PIKFYVE: variants seen among roughly 807,000 people sequenced by gnomAD.
The protein encoded by PIKFYVE is phosphoinositide kinase, FYVE-type zinc finger containing, also known as 1-phosphatidylinositol 3-phosphate 5-kinase.
PIKFYVE carries 122 observed loss-of-function variants against 257.9 expected under a neutral mutation model. That is an observed-to-expected ratio of 0.47 (90% CI 0.41 to 0.55). The LOEUF (loss-of-function observed/expected upper bound fraction) is 0.55. PIKFYVE is among the 20% of genes least tolerant of loss of function. The pLI is 0.00. For missense variants in PIKFYVE, 2,160 were observed against 2,536.6 expected, an observed-to-expected ratio of 0.85 and a Z score of 3.19; for synonymous variants, 892 against 868.9, an observed-to-expected ratio of 1.03 and a Z score of -0.47.
rs1470945793 is a variant in PIKFYVE, at chr2:208,355,957, G to A, written c.*652G>A. 6.6e-6 allele frequency: 1 copy of A among 152,472 alleles called. No homozygotes were observed. Among genetic ancestry groups the A allele is most frequent in the African/African-American group, 2.4e-5 (1 of 41,384 alleles). The allele number at this position is 152,472 out of a possible 1,614,324, so 9.4% of individuals were successfully genotyped here. A position where few individuals can be genotyped will look rare whatever the true frequency, so the allele number is the denominator to read the frequency against. On this transcript the variant is annotated 3_prime_UTR_variant, in exon 42 of 42. Coordinates refer to ENST00000264380, the MANE Select transcript of PIKFYVE (RefSeq NM_015040.4). The stretch of plus-strand genomic sequence containing the variant: ...TTTGTCTTCTCTGTGGAAGACAGGA[G>A]GCTACAGCAATTAACTTTAAGCCTC...
rs1574790917 is a variant in PIKFYVE at position 208,357,364 on chromosome 2, C to T, written c.*2059C>T. On this transcript the variant is annotated 3_prime_UTR_variant, in exon 42 of 42. Coordinates refer to ENST00000264380, the MANE Select transcript of PIKFYVE (RefSeq NM_015040.4). ...TGAGCACTTGAAGTACAAGGTGTCT[C>T]CCCCTAGGTGCAATTAGGTTGTTTC... 6.6e-6 allele frequency: 1 copy of T among 152,194 alleles called. No homozygotes were observed. Among genetic ancestry groups the T allele is most frequent in the Non-Finnish European group, 1.5e-5 (1 of 68,032 alleles). The allele number at this position is 152,194 out of a possible 1,614,324, so 9.4% of individuals were successfully genotyped here.
chr2:208,324,571 C>T (rs1294161926), intron 18 of PIKFYVE, among the ~76,000 whole-genome samples: 1 of 152,058 alleles, frequency 6.6e-6, no homozygotes, highest in Non-Finnish European at 1.5e-5. Flanking sequence ...TGGAGAATTG[C>T]TCAAGCAGAA....
intron 4 of PIKFYVE, among the ~76,000 whole-genome samples, chr2:208,277,170 T>C (rs1690219025): frequency 6.6e-6 from 1 of 152,182 alleles, no homozygotes; most frequent in Non-Finnish European, 1.5e-5. Flanking sequence ...TTGGATATAG[T>C]ACCATTGTTT....
intron 39 of PIKFYVE, 125 bp downstream of exon 39, chr2:208,352,907 C>A: frequency 8.2e-7 from 1 of 1,225,280 alleles, no homozygotes; most frequent in Non-Finnish European, 1.2e-6. Flanking sequence ...GGTTACTAGG[C>A]CATATTTAAC....
intron 5 of PIKFYVE, among the ~76,000 whole-genome samples, chr2:208,281,800 A>G (rs181890934): frequency 1.3e-4 from 20 of 152,286 alleles, no homozygotes; most frequent in African/African-American, 3.4e-4. Flanking sequence ...TTCCTTCCCA[A>G]TCAACACCCT....
rs759605815 is a variant in PIKFYVE, at chr2:208,352,609, ATAAC to A, written c.5716-44_5716-41del. 4.4e-6 allele frequency: 7 copies of A among 1,602,292 alleles called. No individual in the cohort carries two copies. In the South Asian group the frequency reaches 7.8e-5, roughly 18 times the overall value. Reference sequence around the variant, plus strand: ...TCCTTATATTGGTATTAAATTATAAATAACCCTTTTTGATAAGAATTTATTTTGA... The same window carrying A: ...TCCTTATATTGGTATTAAATTATAAACCTTTTTGATAAGAATTTATTTTGA... On this transcript the variant is annotated intron_variant, in intron 38 of 41. Transcript: ENST00000264380.
At chr2:208,338,621 A>G in intron 29 of PIKFYVE, 53 bp downstream of exon 29, 1 of 1,550,944 alleles carries the variant, frequency 6.4e-7, no homozygotes, top group Non-Finnish European at 8.9e-7. Context: ...GAAATTTCTT[A>G]TTGTATAAGT....
chr2:208,308,424 A>G (rs775486949), intron 12 of PIKFYVE, among the ~76,000 whole-genome samples: 62 of 151,632 alleles, frequency 4.1e-4, no homozygotes, highest in Admixed American at 1.6e-3. Context: ...AAAAAATTCC[A>G]TATTATTCTT....
intron 7 of PIKFYVE, among the ~76,000 whole-genome samples, chr2:208,297,993 A>G (rs1423732208): frequency 1.3e-5 from 2 of 152,196 alleles, no homozygotes; most frequent in Non-Finnish European, 2.9e-5. Flanking sequence ...TTTGAGGACA[A>G]TATTTTAAAT....
intron 7 of PIKFYVE, among the ~76,000 whole-genome samples, chr2:208,289,864 G>C (rs1692069240): frequency 6.6e-6 from 1 of 152,122 alleles, no homozygotes; most frequent in Non-Finnish European, 1.5e-5. Context: ...CACTGCATCT[G>C]GCCATCGTTT....
At chr2:208,266,831 C>T (rs1688699257) in intron 1 of PIKFYVE, among the ~76,000 whole-genome samples, 1 of 152,208 alleles carries the variant, frequency 6.6e-6, no homozygotes, top group Middle Eastern at 3.2e-3. Flanking sequence ...AGAAACGATA[C>T]CAACCGTGGG....
chr2:208,354,044 G>T lies in PIKFYVE; in HGVS notation c.5991G>T (p.Val1997=). 1 of 1,614,044 alleles carries T rather than the reference G, an allele frequency of 6.2e-7. No individual in the cohort carries two copies. Among genetic ancestry groups the T allele is most frequent in the Non-Finnish European group, 8.5e-7 (1 of 1,179,956 alleles). ...PLYIRSHSKA[V]LRTSIHSDSH... The stretch of plus-strand genomic sequence containing the variant: ...ATATTCGTTCTCATTCCAAAGCTGT[G>T]CTGAGAACCTCGATCCATAGTGACT... The change falls in exon 40 of 42, where the codon GTG becomes GTT. Residue 1997 remains valine, a synonymous_variant. Coordinates refer to ENST00000264380, the MANE Select transcript of PIKFYVE (RefSeq NM_015040.4).
intron 4 of PIKFYVE, among the ~76,000 whole-genome samples, chr2:208,277,308 C>G (rs1412216919): frequency 6.6e-6 from 1 of 152,092 alleles, no homozygotes; most frequent in African/African-American, 2.4e-5. Flanking sequence ...TACCAGTACC[C>G]TGTCTAAAAT....
chr2:208,272,212 G>A (rs1689520070), intron 2 of PIKFYVE, among the ~76,000 whole-genome samples: 1 of 151,576 alleles, frequency 6.6e-6, no homozygotes, highest in Non-Finnish European at 1.5e-5. Context: ...TCCAGCCTGG[G>A]TGACAGAGCG....
Position 208,354,560 on chromosome 2 carries a change from C to A in PIKFYVE, c.6107-11C>A. ...AGCTTTATTGCTAATTTCACTCCTT[C>A]TACCCCCCAGATTATATTCGAACAT... On this transcript the variant is annotated splice_polypyrimidine_tract_variant and intron_variant, in intron 40 of 41. Coordinates refer to ENST00000264380, the MANE Select transcript of PIKFYVE (RefSeq NM_015040.4). 6.2e-7 allele frequency: 1 copy of A among 1,603,452 alleles called. No individual in the cohort carries two copies. The highest frequency in any genetic ancestry group is 8.5e-7 in the Non-Finnish European group (1 of 1,170,458).
chr2:208,298,849 T>C, intron 8 of PIKFYVE, 70 bp downstream of exon 8: 1 of 1,588,166 alleles, frequency 6.3e-7, no homozygotes, highest in South Asian at 1.1e-5. Context: ...CTGAGTCTTT[T>C]TTTTTCTTTT....
chr2:208,273,623 G>A lies in PIKFYVE; in HGVS notation c.212G>A (p.Ser71Asn), dbSNP rs1367007671. ...GGCCAGGGAGAACAGCAGCCTTTGA[G>A]TGGAAGTTGGACCAGCCCTCAGCTC... ...EGGQGEQQPL[S>N]GSWTSPQLPS... Residue 71 changes from serine (S) to asparagine (N), a missense_variant, in exon 3 of 42, where the codon AGT (serine) becomes AAT (asparagine). Transcript: ENST00000264380. 7 of 1,614,170 alleles carry A rather than the reference G, an allele frequency of 4.3e-6. No homozygotes were observed. Among genetic ancestry groups the A allele is most frequent in the African/African-American group, 1.3e-5 (1 of 75,038 alleles).
chr2:208,327,186 G>T (rs1697026341), intron 20 of PIKFYVE, among the ~76,000 whole-genome samples: 2 of 152,126 alleles, frequency 1.3e-5, no homozygotes, highest in South Asian at 4.1e-4. Flanking sequence ...AAGACCCATG[G>T]TTAATGATGG....
intron 39 of PIKFYVE, among the ~76,000 whole-genome samples, chr2:208,353,371 T>C (rs1699940054): frequency 6.6e-6 from 1 of 152,234 alleles, no homozygotes; most frequent in Non-Finnish European, 1.5e-5. Flanking sequence ...AGCATTGGTC[T>C]GTAGAATATA....
Sources: gnomAD v4.1 joint callset for allele counts (sites outside exome capture counted in the v4.1 genomes callset) on GRCh38, gnomAD v4.1.1 for gene constraint, MANE v1.5 for transcripts, NCBI Gene and HGNC (gene_info 2026-07-23, HGNC 2026-07-21) for gene names.